The following ACYP2 variants were observed in gnomAD, a reference collection of about 807,000 sequenced individuals.
ACYP2 encodes acylphosphatase 2.
Under a neutral mutation model 11.2 loss-of-function variants are expected in ACYP2, and 12 were observed. The ratio of observed to expected loss-of-function variants is 1.08; its 90% CI spans 0.69 to 1.74. The LOEUF is 1.74. ACYP2 is among the 40% of genes most tolerant of loss of function. The pLI is 0.00. For missense variants in ACYP2, 134 were observed against 101.9 expected (o/e 1.31, Z -1.35); for synonymous variants, 43 against 32.2 (o/e 1.33, Z -1.13).
intron 6 of ACYP2, among the ~76,000 whole-genome samples, chr2:54,206,759 G>C (rs1475338950): frequency 2.0e-5 from 3 of 152,108 alleles, no homozygotes; most frequent in African/African-American, 7.2e-5. Flanking sequence ...CCCTGTAGGG[G>C]GTGCAATCTG....
At chr2:54,173,550 C>T (rs1040873635) in intron 6 of ACYP2, among the ~76,000 whole-genome samples, 9 of 152,116 alleles carry the variant, frequency 5.9e-5, no homozygotes, top group African/African-American at 1.9e-4. Context: ...TTAATTAGAT[C>T]CCATTTGTCT....
chr2:54,294,929 G>A (rs1689459338), intron 6 of ACYP2, among the ~76,000 whole-genome samples: 1 of 140,370 alleles, frequency 7.1e-6, no homozygotes, highest in African/African-American at 2.8e-5. Context: ...AAAAAAAAAA[G>A]AGTAAAATAT....
chr2:54,075,324 C>T (rs1047687806), intron 4 of ACYP2, among the ~76,000 whole-genome samples: 1 of 152,020 alleles, frequency 6.6e-6, no homozygotes, highest in East Asian at 1.9e-4. Flanking sequence ...CATGGTGAAA[C>T]CCCGTTTCTA....
At chr2:54,118,428 A>C (rs1276741115) in intron 4 of ACYP2, among the ~76,000 whole-genome samples, 1 of 152,174 alleles carries the variant, frequency 6.6e-6, no homozygotes, top group Non-Finnish European at 1.5e-5. Context: ...TGTTTACTTA[A>C]TCATCACAAT....
At position 54,284,561 on chromosome 2, in the gene ACYP2, T is replaced by C. The variant is rs189519809; in HGVS notation, c.405-20127T>C. Reference sequence around the variant, plus strand: ...CCTGGATCCTGGTTTGCTACTTCTATTATTGCTCTCTTTCACATCATCACC... The same window carrying C: ...CCTGGATCCTGGTTTGCTACTTCTACTATTGCTCTCTTTCACATCATCACC... On this transcript the variant is annotated intron_variant, in intron 6 of 6. Transcript: ENST00000607452. 2.4e-3 allele frequency among the ~76,000 whole-genome samples: 372 copies of C among 152,312 alleles called. 1 individual carries two copies. The highest frequency in any genetic ancestry group is 4.1e-3 in the Admixed American group (62 of 15,304).
chr2:54,088,414 C>A (rs765688915), intron 4 of ACYP2, among the ~76,000 whole-genome samples: 1 of 152,186 alleles, frequency 6.6e-6, no homozygotes, highest in Non-Finnish European at 1.5e-5. Flanking sequence ...CACAGGGAGT[C>A]TCAAAGGAGC....
chr2:54,282,196 C>T (rs1177623866), intron 6 of ACYP2, among the ~76,000 whole-genome samples: 1 of 152,120 alleles, frequency 6.6e-6, no homozygotes, highest in Non-Finnish European at 1.5e-5. Flanking sequence ...ACAAGTTCTC[C>T]AAGTCCTTCA....
chr2:54,092,439 C>T (rs937140661), intron 4 of ACYP2, among the ~76,000 whole-genome samples: 1 of 152,134 alleles, frequency 6.6e-6, no homozygotes, highest in Admixed American at 6.5e-5. Flanking sequence ...ACAATGTAGC[C>T]AACCTATGTT....
At chr2:54,217,017 A>C (rs1685584238) in intron 6 of ACYP2, among the ~76,000 whole-genome samples, 1 of 152,174 alleles carries the variant, frequency 6.6e-6, no homozygotes, top group African/African-American at 2.4e-5. Context: ...TAAATCATTT[A>C]TTTGTTCTAA....
At chr2:54,256,160 CGGCCAGGGCAGCAGTGGGTAGA>C (rs1223949938) in intron 6 of ACYP2, 3 of 1,605,276 alleles carry the variant, frequency 1.9e-6, no homozygotes, top group African/African-American at 2.7e-5. Context: ...ATGTTGGTAG[CGGCCAGGGCAGCAGTGGGTAGA>C]GGCCAGGCCA....
intron 6 of ACYP2, among the ~76,000 whole-genome samples, chr2:54,250,266 C>T (rs535793094): frequency 1.4e-4 from 21 of 152,224 alleles, no homozygotes; most frequent in Non-Finnish European, 2.8e-4. Context: ...ATCACGAGGT[C>T]AGGAGTTCGA....
intron 6 of ACYP2, among the ~76,000 whole-genome samples, chr2:54,162,246 G>A (rs1386040407): frequency 6.6e-6 from 1 of 152,218 alleles, no homozygotes; most frequent in African/African-American, 2.4e-5. Context: ...AATGCCAGGA[G>A]AGAAAGTCTC....
At chr2:54,006,953 C>T (rs974528044) in intron 2 of ACYP2, among the ~76,000 whole-genome samples, 1 of 151,626 alleles carries the variant, frequency 6.6e-6, no homozygotes, top group Middle Eastern at 3.4e-3. Context: ...GGAGAAACCC[C>T]ATCTCTACTA....
At chr2:53,990,220 T>C (rs10201364) in intron 2 of ACYP2, among the ~76,000 whole-genome samples, 82,477 of 151,616 alleles carry the variant, frequency 0.54, 22,728 homozygotes, top group East Asian at 0.71. Context: ...CTCAAGTGAC[T>C]TACCCGCCTC....
At chr2:54,227,367 C>T (rs1021477600) in intron 6 of ACYP2, among the ~76,000 whole-genome samples, 1 of 152,132 alleles carries the variant, frequency 6.6e-6, no homozygotes, top group African/African-American at 2.4e-5. Flanking sequence ...CTGGGCTGAA[C>T]AAAGTGGCTC....
intron 6 of ACYP2, among the ~76,000 whole-genome samples, chr2:54,215,825 A>G (rs1685537173): frequency 6.6e-6 from 1 of 152,196 alleles, no homozygotes; most frequent in African/African-American, 2.4e-5. Context: ...AATGTATTTA[A>G]TAAAGCTTAT....
intron 6 of ACYP2, among the ~76,000 whole-genome samples, chr2:54,225,101 T>C (rs895053583): frequency 1.3e-5 from 2 of 152,200 alleles, no homozygotes; most frequent in Non-Finnish European, 2.9e-5. Flanking sequence ...GTTCCAACCA[T>C]TTCAGGTAAT....
chr2:54,152,535 T>G (rs1682228567), intron 6 of ACYP2, among the ~76,000 whole-genome samples: 1 of 152,226 alleles, frequency 6.6e-6, no homozygotes, highest in South Asian at 2.1e-4. Flanking sequence ...AAATCCCATG[T>G]GCTCTGCTTA....
intron 6 of ACYP2, among the ~76,000 whole-genome samples, chr2:54,202,000 G>A (rs1684857001): frequency 6.6e-6 from 1 of 151,892 alleles, no homozygotes; most frequent in South Asian, 2.1e-4. Flanking sequence ...GAGCCACTGT[G>A]CCTGGCCCAC....
Sources: allele counts gnomAD v4.1 joint callset (sites outside exome capture counted in the v4.1 genomes callset), GRCh38; gene constraint gnomAD v4.1.1; transcripts MANE v1.5; gene names NCBI Gene and HGNC (gene_info 2026-07-23, HGNC 2026-07-21).